The following ZDHHC14 variants were observed in gnomAD, a reference collection of about 807,000 sequenced individuals.
ZDHHC14 encodes palmitoyltransferase ZDHHC14.
Under a neutral mutation model 47.7 loss-of-function variants are expected in ZDHHC14, and 16 were observed. The observed-to-expected ratio is 0.34, with a 90% confidence interval of 0.23 to 0.51. The LOEUF (loss-of-function observed/expected upper bound fraction) is 0.51. Among genes scored for constraint, ZDHHC14 ranks in the 20% least tolerant of loss-of-function variants. The probability of loss-of-function intolerance (pLI) is 0.97; values close to 1 mark genes in which losing one functional copy is unlikely to be tolerated. For missense variants in ZDHHC14, 515 were observed against 662.5 expected (o/e 0.78, Z 2.44); for synonymous variants, 293 against 278.9 (o/e 1.05, Z -0.50).
intron 1 of ZDHHC14, among the ~76,000 whole-genome samples, chr6:157,464,985 C>G (rs1779173178): frequency 6.6e-6 from 1 of 152,156 alleles, no homozygotes; most frequent in South Asian, 2.1e-4. Context: ...GCTGAGCCAG[C>G]CTTGAAAGAC....
At chr6:157,559,950 A>G (rs537362630) in intron 2 of ZDHHC14, among the ~76,000 whole-genome samples, 2 of 152,354 alleles carry the variant, frequency 1.3e-5, no homozygotes, top group African/African-American at 4.8e-5. Context: ...GAAAATAAAC[A>G]TGAAGATGTT....
chr6:157,515,167 T>G (rs978463922), intron 1 of ZDHHC14, among the ~76,000 whole-genome samples: 2 of 152,162 alleles, frequency 1.3e-5, no homozygotes, highest in Non-Finnish European at 2.9e-5. Context: ...TGACACCTCA[T>G]GCCAGCCACG....
chr6:157,527,969 G>T (rs1325207009), intron 1 of ZDHHC14, among the ~76,000 whole-genome samples: 11 of 152,066 alleles, frequency 7.2e-5, no homozygotes, highest in African/African-American at 2.4e-4. Flanking sequence ...CATCTGCTTG[G>T]CAAAATTCAA....
At chr6:157,592,645 C>T (rs1446355420) in intron 2 of ZDHHC14, 1 of 718,436 alleles carries the variant, frequency 1.4e-6, no homozygotes. Flanking sequence ...CCAGCTGTGT[C>T]TCCCAAGATG....
At chr6:157,647,206 C>A in intron 6 of ZDHHC14, 53 bp from the exon 7 acceptor site, 1 of 1,275,640 alleles carries the variant, frequency 7.8e-7, no homozygotes, top group Non-Finnish European at 1.1e-6. Context: ...CTCACCTCAA[C>A]TGTGCGTTGG....
chr6:157,455,821 T>G lies in ZDHHC14; in HGVS notation c.245+73555T>G, dbSNP rs568764945. Among the ~76,000 whole-genome samples the G allele has an allele frequency of 2.6e-5, 4 of 152,312 alleles. No homozygotes were observed. The South Asian group carries it at 8.3e-4, about 32-fold the overall frequency. ...AGCATTTTCTCTCAGATAAAGCAGTTAGTTTTAGAAAGGAAATTAGAGAGA... is the reference window on the plus strand; with the variant it reads ...AGCATTTTCTCTCAGATAAAGCAGTGAGTTTTAGAAAGGAAATTAGAGAGA... On this transcript the variant is annotated intron_variant, in intron 1 of 8. Coordinates refer to ENST00000359775, the MANE Select transcript of ZDHHC14 (RefSeq NM_024630.3).
chr6:157,415,346 C>A (rs1237304151), intron 1 of ZDHHC14, among the ~76,000 whole-genome samples: 1 of 151,892 alleles, frequency 6.6e-6, no homozygotes, highest in African/African-American at 2.4e-5. Flanking sequence ...AAAAAAAAAT[C>A]ACCACTCTCA....
At chr6:157,659,341 C>G (rs1028315931) in intron 8 of ZDHHC14, among the ~76,000 whole-genome samples, 1 of 152,214 alleles carries the variant, frequency 6.6e-6, no homozygotes, top group African/African-American at 2.4e-5. Context: ...TCTAGCAGAG[C>G]GAGTTCCAGC....
intron 1 of ZDHHC14, among the ~76,000 whole-genome samples, chr6:157,459,808 C>T (rs1779023448): frequency 6.6e-6 from 1 of 152,108 alleles, no homozygotes; most frequent in South Asian, 2.1e-4. Flanking sequence ...GGCATGGTGG[C>T]TCACACCTGT....
intron 1 of ZDHHC14, among the ~76,000 whole-genome samples, chr6:157,481,062 T>G (rs1439465454): frequency 6.6e-6 from 1 of 152,194 alleles, no homozygotes; most frequent in African/African-American, 2.4e-5. Flanking sequence ...CCGAAACCAT[T>G]ATTTTCTATT....
At chr6:157,455,337 A>G (rs1778888622) in intron 1 of ZDHHC14, among the ~76,000 whole-genome samples, 1 of 152,236 alleles carries the variant, frequency 6.6e-6, no homozygotes, top group South Asian at 2.1e-4. Flanking sequence ...CTTAGAGGCA[A>G]AGCACTCAGG....
intron 2 of ZDHHC14, among the ~76,000 whole-genome samples, chr6:157,550,805 A>C (rs1782199536): frequency 6.6e-6 from 1 of 152,234 alleles, no homozygotes; most frequent in African/African-American, 2.4e-5. Context: ...TCTTTCTCTT[A>C]CTGCACCAAT....
In ZDHHC14 at chr6:157,661,299, C is replaced by T. The variant is rs189777568; in HGVS notation, c.1068+7672C>T. Among the ~76,000 whole-genome samples the T allele has an allele frequency of 2.8e-3, 419 of 152,252 alleles. 6 individuals carry two copies. Among genetic ancestry groups the T allele is most frequent in the Middle Eastern group, 3.4e-3 (1 of 294 alleles). On this transcript the variant is annotated intron_variant, in intron 8 of 8. Transcript: ENST00000359775. Reference sequence around the variant, plus strand: ...GAAAGTCACTTGGAAACAGTGGAGACGTGAATCTGTTTTGTCAGCTAGCCT... The same window carrying T: ...GAAAGTCACTTGGAAACAGTGGAGATGTGAATCTGTTTTGTCAGCTAGCCT...
At chr6:157,391,203 C>T (rs1440735460) in intron 1 of ZDHHC14, among the ~76,000 whole-genome samples, 1 of 152,120 alleles carries the variant, frequency 6.6e-6, no homozygotes, top group Non-Finnish European at 1.5e-5. Context: ...ACCAGCTTAC[C>T]AAACAGTGGA....
chr6:157,549,449 G>A (rs139575687), intron 2 of ZDHHC14, among the ~76,000 whole-genome samples: 62 of 152,282 alleles, frequency 4.1e-4, no homozygotes, highest in African/African-American at 1.3e-3. Context: ...GGAGAGTGGG[G>A]GAGTCCCATC....
chr6:157,596,228 TC>T (rs1784123498), intron 3 of ZDHHC14, among the ~76,000 whole-genome samples: 1 of 152,188 alleles, frequency 6.6e-6, no homozygotes, highest in South Asian at 2.1e-4. Flanking sequence ...GGCAAATGTC[TC>T]CCACTGAGAA....
chr6:157,526,979 A>G (rs1781177758), intron 1 of ZDHHC14, among the ~76,000 whole-genome samples: 1 of 152,194 alleles, frequency 6.6e-6, no homozygotes. Context: ...CATCTTTAGC[A>G]GCTGGCCTCA....
chr6:157,544,208 G>A (rs1417484863), intron 2 of ZDHHC14, among the ~76,000 whole-genome samples: 3 of 152,174 alleles, frequency 2.0e-5, no homozygotes, highest in Admixed American at 6.5e-5. Flanking sequence ...ATATGAGCAG[G>A]TAACTTGAAA....
intron 3 of ZDHHC14, among the ~76,000 whole-genome samples, chr6:157,627,306 A>G (rs187113902): frequency 1.3e-5 from 2 of 152,222 alleles, no homozygotes; most frequent in Non-Finnish European, 2.9e-5. Flanking sequence ...ATAGAGATAG[A>G]TAAAATATGA....
Sources: allele counts gnomAD v4.1 joint callset (sites outside exome capture counted in the v4.1 genomes callset), GRCh38; gene constraint gnomAD v4.1.1; transcripts MANE v1.5; gene names NCBI Gene and HGNC (gene_info 2026-07-23, HGNC 2026-07-21).